DGUOK: variants seen among roughly 807,000 people sequenced by gnomAD.
DGUOK encodes the protein deoxyguanosine kinase, also known as deoxyguanosine kinase, mitochondrial.
Under a neutral mutation model 36.6 loss-of-function variants are expected in DGUOK, and 30 were observed. The ratio of observed to expected loss-of-function variants is 0.82; its 90% CI spans 0.61 to 1.11. DGUOK has a LOEUF of 1.11. DGUOK is among the 50% of genes most tolerant of loss of function. The probability of loss-of-function intolerance (pLI) is 0.00; values close to 1 mark genes in which losing one functional copy is unlikely to be tolerated. For synonymous variants in DGUOK, 145 were observed against 126.3 expected, an observed-to-expected ratio of 1.15 and a Z score of -0.99; for missense variants, 361 against 336.4, an observed-to-expected ratio of 1.07 and a Z score of -0.57.
intron 5 of DGUOK, 120 bp downstream of exon 5, chr2:73,957,360 G>A: frequency 2.5e-6 from 2 of 784,962 alleles, no homozygotes; most frequent in Non-Finnish European, 4.4e-6. Flanking sequence ...GGAAATGGTT[G>A]GAAATGTCAA....
At chr2:73,947,297 A>C (rs1682405888) in intron 3 of DGUOK, among the ~76,000 whole-genome samples, 1 of 152,238 alleles carries the variant, frequency 6.6e-6, no homozygotes, top group African/African-American at 2.4e-5. Flanking sequence ...TATCCCCTTT[A>C]AGAAAAAAGC....
intron 1 of DGUOK, among the ~76,000 whole-genome samples, chr2:73,936,904 G>C (rs958973759): frequency 6.6e-6 from 1 of 152,160 alleles, no homozygotes; most frequent in Non-Finnish European, 1.5e-5. Context: ...GAGGTGTCAG[G>C]ATCTGGAAAG....
chr2:73,949,171 C>CA (rs1486846624), intron 3 of DGUOK, among the ~76,000 whole-genome samples: 1 of 152,170 alleles, frequency 6.6e-6, no homozygotes, highest in African/African-American at 2.4e-5. Flanking sequence ...AGGCTGGTCT[C>CA]AAACTCCTGG....
At chr2:73,956,262 C>T (rs1444832229) in intron 4 of DGUOK, among the ~76,000 whole-genome samples, 1 of 152,176 alleles carries the variant, frequency 6.6e-6, no homozygotes, top group African/African-American at 2.4e-5. Flanking sequence ...CTTGTTTTTC[C>T]ACTTCTTTGT....
intron 1 of DGUOK, among the ~76,000 whole-genome samples, chr2:73,936,026 T>C (rs2104892779): frequency 6.6e-6 from 1 of 152,366 alleles, no homozygotes; most frequent in African/African-American, 2.4e-5. Context: ...TTAAAAAATA[T>C]AAGTAATTCT....
At chr2:73,935,721 A>T (rs1480517712) in intron 1 of DGUOK, among the ~76,000 whole-genome samples, 1 of 152,148 alleles carries the variant, frequency 6.6e-6, no homozygotes, top group African/African-American at 2.4e-5. Context: ...TTTCACCACC[A>T]TTTACTGTCA....
intron 2 of DGUOK, among the ~76,000 whole-genome samples, chr2:73,939,884 T>C (rs1262476880): frequency 6.6e-6 from 1 of 151,660 alleles, no homozygotes; most frequent in African/African-American, 2.4e-5. Flanking sequence ...TTTCCTGTTC[T>C]TTCTCCCCCT....
intron 2 of DGUOK, among the ~76,000 whole-genome samples, chr2:73,941,893 ATTTG>A (rs1207210953): frequency 6.7e-6 from 1 of 148,268 alleles, no homozygotes; most frequent in African/African-American, 2.5e-5. Flanking sequence ...TCTGTCATAT[ATTTG>A]TTTGTCATTT....
chr2:73,940,604 A>C (rs1196386565), intron 2 of DGUOK, among the ~76,000 whole-genome samples: 1 of 152,246 alleles, frequency 6.6e-6, no homozygotes, highest in East Asian at 1.9e-4. Flanking sequence ...GTATTTCAAA[A>C]TACAGTCATG....
intron 2 of DGUOK, among the ~76,000 whole-genome samples, chr2:73,943,895 C>T (rs901429929): frequency 6.6e-6 from 1 of 152,182 alleles, no homozygotes; most frequent in African/African-American, 2.4e-5. Context: ...GATTCACCCA[C>T]TTTGGCCTCC....
At chr2:73,931,991 G>C (rs1357334900) in intron 1 of DGUOK, among the ~76,000 whole-genome samples, 1 of 152,154 alleles carries the variant, frequency 6.6e-6, no homozygotes, top group Non-Finnish European at 1.5e-5. Flanking sequence ...TAAAGGAAGA[G>C]GCGGTCTGGG....
rs1311828880 is a variant in DGUOK at position 73,938,920 on chromosome 2, G to T, written c.153G>T (p.Lys51Asn). ...CTATTTGCATTGCAGCTGTGGGAAA[G>T]TCCACGTTTGTGAAGTTACTCACGA... is the stretch of plus-strand genomic sequence containing the variant. ...LSIEGNIAVG[K>N]STFVKLLTKT... Residue 51 changes from lysine to asparagine, a missense_variant, in exon 2 of 7, where the codon AAG becomes AAT. Transcript: ENST00000264093. The T allele has an allele frequency of 1.2e-6, 2 of 1,613,020 alleles. No individual in the cohort carries two copies. Among genetic ancestry groups the T allele is most frequent in the Admixed American group, 1.7e-5 (1 of 60,030 alleles).
At chr2:73,950,763 G>A (rs774430337) in intron 4 of DGUOK, 31 bp downstream of exon 4, 1 of 1,613,856 alleles carries the variant, frequency 6.2e-7, no homozygotes, top group South Asian at 1.1e-5. Context: ...TTAGACTTTA[G>A]GGCCATATGA....
intron 4 of DGUOK, among the ~76,000 whole-genome samples, chr2:73,955,703 T>G (rs536588075): frequency 1.3e-5 from 2 of 151,946 alleles, no homozygotes; most frequent in African/African-American, 2.4e-5. Context: ...TGAAACCCCA[T>G]CTCTACTAAA....
intron 3 of DGUOK, chr2:73,947,794 C>G (rs144065050): frequency 6.6e-6 from 1 of 152,288 alleles, no homozygotes; most frequent in Middle Eastern, 3.4e-3. Context: ...TCAAGCAAAA[C>G]GATCTTTCTT....
intron 1 of DGUOK, among the ~76,000 whole-genome samples, chr2:73,933,009 G>T (rs1681173306): frequency 6.6e-6 from 1 of 151,420 alleles, no homozygotes; most frequent in Non-Finnish European, 1.5e-5. Flanking sequence ...CACTGTCAGT[G>T]AGTCATCTCA....
intron 1 of DGUOK, 146 bp downstream of exon 1, chr2:73,927,198 G>A: frequency 9.1e-7 from 1 of 1,099,740 alleles, no homozygotes; most frequent in Non-Finnish European, 1.3e-6. Flanking sequence ...CCCTCGCAAA[G>A]TGCACTGTGT....
chr2:73,942,855 C>T (rs191667210), intron 2 of DGUOK, among the ~76,000 whole-genome samples: 5 of 152,302 alleles, frequency 3.3e-5, no homozygotes, highest in East Asian at 1.9e-4. Context: ...GTGTGGTACA[C>T]GTACCCTTTT....
In DGUOK at chr2:73,958,806, C is replaced by G; in HGVS notation, c.*70C>G. ...CTGAAGCTAGAAAAATGTTGTGTCT[C>G]CCAACCACCTTTCCATCCCCAGCCC... On this transcript the variant is annotated 3_prime_UTR_variant, in exon 7 of 7. Transcript: ENST00000264093. The G allele has an allele frequency of 3.0e-6, 4 of 1,337,590 alleles. No homozygotes were observed. 82.9% of individuals were successfully genotyped at this position (1,337,590 alleles called of 1,614,324 possible).
Sources: allele counts gnomAD v4.1 joint callset (sites outside exome capture counted in the v4.1 genomes callset), GRCh38; gene constraint gnomAD v4.1.1; transcripts MANE v1.5; gene names NCBI Gene and HGNC (gene_info 2026-07-23, HGNC 2026-07-21).